Variants in MKLN1 observed in about 807,000 individuals in gnomAD.
MKLN1 encodes muskelin 1, also known as muskelin.
In MKLN1, 18 loss-of-function variants were observed where a neutral mutation model predicts 99.0. The ratio of observed to expected loss-of-function variants is 0.18; its 90% CI spans 0.13 to 0.27. MKLN1 has a LOEUF of 0.27. Among genes scored for constraint, MKLN1 ranks in the 10% least tolerant of loss-of-function variants. The pLI, the probability that MKLN1 is intolerant of heterozygous loss-of-function variation, is 1.00. For missense variants in MKLN1, 621 were observed against 875.9 expected, an observed-to-expected ratio of 0.71 and a Z score of 3.67; for synonymous variants, 288 against 293.2, an observed-to-expected ratio of 0.98 and a Z score of 0.18.
intron 2 of MKLN1, among the ~76,000 whole-genome samples, chr7:131,151,660 A>C (rs1795890060): frequency 6.6e-6 from 1 of 152,254 alleles, no homozygotes; most frequent in Non-Finnish European, 1.5e-5. Context: ...TTATAGTTGA[A>C]TTGCAGAAAT....
intron 2 of MKLN1, among the ~76,000 whole-genome samples, chr7:131,147,486 G>GTT (rs1795832056): frequency 6.6e-6 from 1 of 152,158 alleles, no homozygotes; most frequent in Admixed American, 6.6e-5. Context: ...GAGCTTAGGT[G>GTT]AGCTCCCCAG....
rs1055011737 is a variant in MKLN1 at position 131,458,739 on chromosome 7, A to T, written c.1526-4478A>T. Among the ~76,000 whole-genome samples, 5 of 152,128 alleles carry T rather than the reference A, an allele frequency of 3.3e-5. 1 individual carries two copies. The highest frequency in any genetic ancestry group is 2.0e-4 in the Admixed American group (3 of 15,274). ...TATATATATATATGTAGTCATATGT[A>T]TGAACTTTAAAATTCTCTTATTTTG... On this transcript the variant is annotated intron_variant, in intron 12 of 17. Transcript: ENST00000352689.
chr7:131,356,599 C>G (rs188379793), intron 1 of MKLN1, among the ~76,000 whole-genome samples: 1 of 152,218 alleles, frequency 6.6e-6, no homozygotes, highest in East Asian at 1.9e-4. Flanking sequence ...TTGTTGAAAG[C>G]GATATCCGGC....
chr7:131,238,013 G>A (rs1183758005), intron 3 of MKLN1, among the ~76,000 whole-genome samples: 1 of 152,112 alleles, frequency 6.6e-6, no homozygotes, highest in East Asian at 1.9e-4. Context: ...TGGGCATGGT[G>A]GTGGGTGCCT....
chr7:131,173,968 CTTTTTCTTTT>C (rs968959096), intron 2 of MKLN1, among the ~76,000 whole-genome samples: 2 of 118,654 alleles, frequency 1.7e-5, no homozygotes, highest in African/African-American at 6.1e-5. Context: ...AGACCTTTTT[CTTTTTCTTTT>C]TTTTTTTTTT....
intron 3 of MKLN1, among the ~76,000 whole-genome samples, chr7:131,207,291 C>T (rs1049065431): frequency 3.9e-5 from 6 of 152,176 alleles, no homozygotes; most frequent in South Asian, 2.1e-4. Context: ...TCCACCTCCC[C>T]GGTTGAAGTG....
At chr7:131,409,399 G>A (rs1417520048) in intron 6 of MKLN1, among the ~76,000 whole-genome samples, 2 of 152,192 alleles carry the variant, frequency 1.3e-5, no homozygotes, top group Non-Finnish European at 2.9e-5. Context: ...GGTAGTAAAA[G>A]CAATGCATTT....
intron 3 of MKLN1, among the ~76,000 whole-genome samples, chr7:131,246,033 A>T (rs1309525543): frequency 2.0e-5 from 3 of 152,202 alleles, no homozygotes; most frequent in Non-Finnish European, 4.4e-5. Flanking sequence ...AGCCCCTGAG[A>T]GGCAGATCTT....
At chr7:131,375,366 T>A in intron 1 of MKLN1, 58 bp from the exon 2 acceptor site, 1 of 1,040,872 alleles carries the variant, frequency 9.6e-7, no homozygotes, top group Non-Finnish European at 1.5e-6. Context: ...TCTGGTAGAT[T>A]ATTCCTGTTT....
At chr7:131,178,517 G>A (rs971722483) in intron 2 of MKLN1, among the ~76,000 whole-genome samples, 41 of 152,106 alleles carry the variant, frequency 2.7e-4, no homozygotes, top group African/African-American at 8.9e-4. Flanking sequence ...AAATTAAATT[G>A]AAGTTTTGTT....
At chr7:131,427,109 A>C (rs1462779718) in intron 8 of MKLN1, among the ~76,000 whole-genome samples, 1 of 152,214 alleles carries the variant, frequency 6.6e-6, no homozygotes, top group Non-Finnish European at 1.5e-5. Flanking sequence ...CTGATCACCC[A>C]GTTAGTACTA....
intron 2 of MKLN1, among the ~76,000 whole-genome samples, chr7:131,381,929 T>C (rs1016728844): frequency 6.6e-6 from 1 of 152,220 alleles, no homozygotes; most frequent in Non-Finnish European, 1.5e-5. Context: ...GCAAGTGTCA[T>C]TATTCAGGTA....
chr7:131,153,033 ATTT>A (rs1220395745), intron 2 of MKLN1, among the ~76,000 whole-genome samples: 7 of 138,266 alleles, frequency 5.1e-5, no homozygotes, highest in South Asian at 2.4e-4. Flanking sequence ...ATATATATAT[ATTT>A]TTTTTTTTTT....
intron 2 of MKLN1, among the ~76,000 whole-genome samples, chr7:131,378,852 G>A (rs979436325): frequency 4.0e-5 from 6 of 151,056 alleles, no homozygotes; most frequent in African/African-American, 9.7e-5. Context: ...ATACACGCAC[G>A]TGTGCACACA....
At chr7:131,313,744 A>T (rs185418997) in intron 3 of MKLN1, among the ~76,000 whole-genome samples, 54 of 152,346 alleles carry the variant, frequency 3.5e-4, no homozygotes, top group Admixed American at 1.0e-3. Flanking sequence ...GTAGCTTTTA[A>T]TTTAGTCTGT....
intron 1 of MKLN1, among the ~76,000 whole-genome samples, chr7:131,135,512 A>G (rs1795636548): frequency 6.6e-6 from 1 of 152,224 alleles, no homozygotes; most frequent in Non-Finnish European, 1.5e-5. Context: ...TTGCAGAGGG[A>G]CAAGCCCAAT....
At chr7:131,177,967 C>G (rs1321175357) in intron 2 of MKLN1, among the ~76,000 whole-genome samples, 1 of 152,110 alleles carries the variant, frequency 6.6e-6, no homozygotes, top group African/African-American at 2.4e-5. Context: ...GTGTGGTACC[C>G]ATATTTCAAG....
At chr7:131,266,173 C>CAA (rs35332093) in intron 3 of MKLN1, among the ~76,000 whole-genome samples, 3,702 of 86,424 alleles carry the variant, frequency 0.043, 93 homozygotes, top group East Asian at 0.17. Context: ...GACTGCATCT[C>CAA]AAAAAAAAAA....
At chr7:131,451,429 G>C (rs1796174162) in intron 12 of MKLN1, among the ~76,000 whole-genome samples, 1 of 151,880 alleles carries the variant, frequency 6.6e-6, no homozygotes, top group South Asian at 2.1e-4. Context: ...GAACTATTGA[G>C]ATCACCGAGA....
Sources: gnomAD v4.1 joint callset for allele counts (sites outside exome capture counted in the v4.1 genomes callset) on GRCh38, gnomAD v4.1.1 for gene constraint, MANE v1.5 for transcripts, NCBI Gene and HGNC (gene_info 2026-07-23, HGNC 2026-07-21) for gene names.